Variants in MUC4 observed in about 807,000 individuals in gnomAD.
MUC4 encodes mucin 4, cell surface associated, also known as mucin-4.
Under a neutral mutation model 257.9 loss-of-function variants are expected in MUC4, and 202 were observed. That is an observed-to-expected ratio of 0.78 (90% confidence interval 0.70 to 0.88). The LOEUF is 0.88. MUC4 is among the 40% of genes least tolerant of loss of function. The probability of loss-of-function intolerance (pLI) is 0.00; values close to 1 mark genes in which losing one functional copy is unlikely to be tolerated. For synonymous variants in MUC4, 2,351 were observed against 2,757.1 expected (o/e 0.85, Z 4.62); for missense variants, 5,976 against 6,513.7 (o/e 0.92, Z 2.84).
chr3:195,759,918 A>AACACACACACACACACGCACGCACGCAC (rs11283958), intron 16 of MUC4, among the ~76,000 whole-genome samples: 5 of 149,724 alleles, frequency 3.3e-5, no homozygotes, highest in East Asian at 2.0e-4. Context: ...AAACTCCGTC[A>AACACACACACACACACGCACGCACGCAC]ACACACACAC....
At chr3:195,747,775 C>T (rs1166464116) in intron 24 of MUC4, among the ~76,000 whole-genome samples, 2 of 152,384 alleles carry the variant, frequency 1.3e-5, no homozygotes, top group African/African-American at 4.8e-5. Flanking sequence ...GAGGCAGAAT[C>T]GCTTGAACCT....
At chr3:195,765,210 T>C in intron 9 of MUC4, 60 bp downstream of exon 9, 1 of 1,576,072 alleles carries the variant, frequency 6.3e-7, no homozygotes, top group South Asian at 1.2e-5. Flanking sequence ...GGGGAGAGGC[T>C]GAGGGCGTGA....
Position 195,763,442 on chromosome 3 carries a change from G to T in MUC4, c.14244C>A (p.Gly4748=). 4.9e-6 allele frequency: 7 copies of T among 1,420,356 alleles called. No homozygotes were observed. Among genetic ancestry groups the T allele is most frequent in the African/African-American group, 1.5e-5 (1 of 68,450 alleles). The allele number at this position is 1,420,356 out of a possible 1,614,324, so 88.0% of individuals were successfully genotyped here. A position where few individuals can be genotyped will look rare whatever the true frequency, so the allele number is the denominator to read the frequency against. ...FAAQYRSSSL[G]PVTVQWLLEP... is the part of the protein sequence containing the mutation. ...GGCACCCCTCACTCACCGTGACGGG[G>T]CCCAGGCTGCTGGAGCGGTACTGAG... The change falls in exon 12 of 25, where the codon GGC becomes GGA. Residue 4748 remains glycine, a synonymous_variant. Coordinates refer to ENST00000463781, the MANE Select transcript of MUC4 (RefSeq NM_018406.7).
intron 1 of MUC4, among the ~76,000 whole-genome samples, chr3:195,808,343 G>GT (rs1404225016): frequency 6.6e-6 from 1 of 152,012 alleles, no homozygotes; most frequent in Non-Finnish European, 1.5e-5. Context: ...AGCCTCCCGA[G>GT]TAGCTGGAAT....
At chr3:195,774,133 C>T in intron 4 of MUC4, 39 bp downstream of exon 4, 1 of 1,567,532 alleles carries the variant, frequency 6.4e-7, no homozygotes, top group Non-Finnish European at 8.6e-7. Context: ...GAAGTGGGCC[C>T]TGGGAGTTCA....
rs1560266132 is a variant in MUC4 at position 195,767,879 on chromosome 3, A to ACCACCATCACCATCG, written c.13530-1129_13530-1128insCGATGGTGATGGTGG. Among the ~76,000 whole-genome samples the ACCACCATCACCATCG allele has an allele frequency of 2.5e-3, 352 of 142,098 alleles. 7 individuals carry two copies. Among genetic ancestry groups the ACCACCATCACCATCG allele is most frequent in the African/African-American group, 9.2e-3 (323 of 35,280 alleles). The allele number at this position is 142,098 out of a possible 152,430, so 93.2% of individuals were successfully genotyped here. ...CATCACCCCCAACACCACCACCATC[A>ACCACCATCACCATCG]CCACCATCACCACCACCATCACCAC... On this transcript the variant is annotated intron_variant, in intron 7 of 24. Coordinates refer to ENST00000463781, the MANE Select transcript of MUC4 (RefSeq NM_018406.7).
chr3:195,775,829 GTCATACCTTCCACAC>G (rs1724474466), intron 3 of MUC4, among the ~76,000 whole-genome samples: 4 of 6,960 alleles, frequency 5.7e-4, no homozygotes, highest in South Asian at 3.1e-3. Context: ...ACCTTCCACG[GTCATACCTTCCACAC>G]CCATACCTTC....
In MUC4 at chr3:195,781,675, G is replaced by T; in HGVS notation, c.9905C>A (p.Thr3302Asn). Residue 3302 changes from threonine (T) to asparagine (N), a missense_variant, in exon 2 of 25, where the codon ACT (threonine) becomes AAT (asparagine). This residue lies in a region of MUC4 where 51 missense variants were observed against 66.9 expected (regional missense o/e 0.76). Transcript: ENST00000463781. ...GDTTPLLVTE[T>N]SSVSTGHATP... ...GGCGTGACCTGTGGATACTGAGGAA[G>T]TCTCGGTGACAAGAAGAGGGGTGGT... 8.4e-7 allele frequency: 1 copy of T among 1,186,160 alleles called. No individual in the cohort carries two copies. The allele number at this position is 1,186,160 out of a possible 1,614,324, so 73.5% of individuals were successfully genotyped here.
chr3:195,782,125 G>A lies in MUC4; in HGVS notation c.9455C>T (p.Pro3152Leu), dbSNP rs1363613706. 3 of 1,366,058 alleles carry A rather than the reference G, an allele frequency of 2.2e-6. No homozygotes were observed. Among genetic ancestry groups the A allele is most frequent in the Non-Finnish European group, 1.9e-6 (2 of 1,037,894 alleles). 84.6% of individuals were successfully genotyped at this position (1,366,058 alleles called of 1,614,324 possible). A position where few individuals can be genotyped will look rare whatever the true frequency, so the allele number is the denominator to read the frequency against. ...TSSASTGDTT[P>L]LPVTDTSSAS... Reference sequence around the variant, plus strand: ...TGAGGAAGTGTCGGTGACAGGAAGAGGGGTGGTGTCACCTGTGGATGCTGA... The same window carrying A: ...TGAGGAAGTGTCGGTGACAGGAAGAAGGGTGGTGTCACCTGTGGATGCTGA... Residue 3152 changes from proline (P) to leucine (L), a missense_variant, in exon 2 of 25, where the codon CCT (proline) becomes CTT (leucine). This residue lies in a region of MUC4 where 128 missense variants were observed against 104.8 expected (regional missense o/e 1.22). Coordinates refer to ENST00000463781, the MANE Select transcript of MUC4 (RefSeq NM_018406.7).
At chr3:195,797,182 T>C (rs922220586) in intron 1 of MUC4, among the ~76,000 whole-genome samples, 9 of 151,796 alleles carry the variant, frequency 5.9e-5, no homozygotes, top group Non-Finnish European at 1.2e-4. Flanking sequence ...GGCACGAGAA[T>C]TGCTTGAACC....
In MUC4 at chr3:195,790,145, T is replaced by C; in HGVS notation, c.1435A>G (p.Ile479Val). 1 of 1,613,998 alleles carries C rather than the reference T, an allele frequency of 6.2e-7. No homozygotes were observed. ...SSFSPGVSQE[I>V]FTLHETTTWP... ...GTTGTTGTTTCATGTAGAGTAAATATTTCTTGAGACACACCTGGAGAGAAT... is the reference window on the plus strand; with the variant it reads ...GTTGTTGTTTCATGTAGAGTAAATACTTCTTGAGACACACCTGGAGAGAAT... The change falls in exon 2 of 25, where the codon ATA (isoleucine) becomes GTA (valine). Residue 479 changes from isoleucine (I) to valine (V), a missense_variant. By Grantham distance (29) the Ile-to-Val change is conservative. Transcript: ENST00000463781.
chr3:195,752,553 G>A, intron 20 of MUC4, 107 bp from the exon 21 acceptor site: 1 of 933,268 alleles, frequency 1.1e-6, no homozygotes, highest in Non-Finnish European at 1.7e-6. Context: ...AGTGACAGAA[G>A]GTCACTGAAG....
Position 195,766,864 on chromosome 3 carries a change from G to A in MUC4, c.13530-113C>T, listed in dbSNP as rs568366960. 29 of 898,596 alleles carry A rather than the reference G, an allele frequency of 3.2e-5. 1 individual carries two copies. The highest frequency in any genetic ancestry group is 7.7e-5 in the East Asian group (3 of 38,820). 55.7% of individuals were successfully genotyped at this position (898,596 alleles called of 1,614,324 possible). On this transcript the variant is annotated intron_variant, in intron 7 of 24. Transcript: ENST00000463781. Reference sequence around the variant, plus strand: ...TCAGCAGCTGGTCAACCAGCTAGGCGGGCAGTGGGTCAGTGGGTCAGCCAG... The same window carrying A: ...TCAGCAGCTGGTCAACCAGCTAGGCAGGCAGTGGGTCAGTGGGTCAGCCAG...
At chr3:195,766,185 T>C (rs367751148) in intron 8 of MUC4, among the ~76,000 whole-genome samples, 62 of 152,270 alleles carry the variant, frequency 4.1e-4, no homozygotes, top group African/African-American at 1.3e-3. Flanking sequence ...GGTCTCGAAC[T>C]CCTGATCTCA....
At position 195,789,314 on chromosome 3, in the gene MUC4, T is replaced by G; in HGVS notation, c.2266A>C (p.Thr756Pro). 1 of 1,613,860 alleles carries G rather than the reference T, an allele frequency of 6.2e-7. No individual in the cohort carries two copies. Reference sequence around the variant, plus strand: ...GGTGAGGTGCTGGCAGAGGCTGATGTCCATTGTCCTTCTGGGCCCCCTGGT... The same window carrying G: ...GGTGAGGTGCTGGCAGAGGCTGATGGCCATTGTCCTTCTGGGCCCCCTGGT... ...STPGGPEGQW[T>P]SASASTSPDT... The change falls in exon 2 of 25, where the codon ACA becomes CCA. Residue 756 changes from threonine (T) to proline (P), a missense_variant. Around this residue, in one of 44 missense-constraint regions of MUC4, gnomAD observed 1,583 missense variants for 1,257.4 expected, o/e 1.26. Coordinates refer to ENST00000463781, the MANE Select transcript of MUC4 (RefSeq NM_018406.7).
At chr3:195,795,625 C>CG (rs1734472795) in intron 1 of MUC4, among the ~76,000 whole-genome samples, 1 of 152,078 alleles carries the variant, frequency 6.6e-6, no homozygotes, top group South Asian at 2.1e-4. Context: ...GCAAGACCCT[C>CG]GGTCACGACA....
intron 6 of MUC4, 124 bp from the exon 7 acceptor site, chr3:195,769,276 A>T (rs78471763): frequency 0.17 from 233,851 of 1,390,430 alleles, 20,729 homozygotes; most frequent in Middle Eastern, 0.19. Flanking sequence ...TGGTCTGCCC[A>T]CAGCAAAGAC....
intron 16 of MUC4, among the ~76,000 whole-genome samples, chr3:195,760,538 G>T (rs758310688): frequency 9.4e-6 from 1 of 105,966 alleles, no homozygotes; most frequent in Admixed American, 8.7e-5. Context: ...GGAGGGGGCT[G>T]GGAAGGGGTC....
chr3:195,807,861 C>G (rs1360064141), intron 1 of MUC4, among the ~76,000 whole-genome samples: 1 of 152,258 alleles, frequency 6.6e-6, no homozygotes, highest in Non-Finnish European at 1.5e-5. Flanking sequence ...AGACACAAAT[C>G]ACTTGCGTGT....
Sources: gnomAD v4.1 joint callset for allele counts (sites outside exome capture counted in the v4.1 genomes callset) on GRCh38, gnomAD v4.1.1 for gene constraint, gnomAD v4.1.1 regional missense constraint, MANE v1.5 for transcripts, NCBI Gene and HGNC (gene_info 2026-07-23, HGNC 2026-07-21) for gene names.